The following RNF212B variants were observed in gnomAD, a reference collection of about 807,000 sequenced individuals.
RNF212B encodes the protein E3 ubiquitin-protein ligase RNF212B.
Under a neutral mutation model 55.5 loss-of-function variants are expected in RNF212B, and 52 were observed. That is an observed-to-expected ratio of 0.94 (90% CI 0.75 to 1.18). The LOEUF (loss-of-function observed/expected upper bound fraction) is 1.18, where lower values mean the gene tolerates loss of function less well. RNF212B is among the 50% of genes most tolerant of loss of function. The pLI is 0.00. For synonymous variants in RNF212B, 99 were observed against 121.4 expected, an observed-to-expected ratio of 0.82 and a Z score of 1.21; for missense variants, 289 against 350.4, an observed-to-expected ratio of 0.82 and a Z score of 1.40.
At chr14:23,250,119 T>C (rs1884293614) in intron 4 of RNF212B, among the ~76,000 whole-genome samples, 1 of 152,222 alleles carries the variant, frequency 6.6e-6, no homozygotes, top group Admixed American at 6.5e-5. Context: ...TTCAGTTCTT[T>C]GCAGTTCTTT....
In RNF212B at chr14:23,258,619, A is replaced by C; in HGVS notation, c.299A>C (p.Glu100Ala). The change falls in exon 5 of 15, where the codon GAA (glutamate) becomes GCA (alanine). Residue 100 changes from glutamate (E) to alanine (A), a missense_variant. By Grantham distance (107) the Glu-to-Ala change is moderately radical (BLOSUM62 -1). Coordinates refer to ENST00000430154, the MANE Select transcript of RNF212B (RefSeq NM_001282322.3). ...TATAAGCATAGAATTACAAAGTTAGAAACAGCCATGCAGGAGGCACAGCAA... is the reference window on the plus strand; with the variant it reads ...TATAAGCATAGAATTACAAAGTTAGCAACAGCCATGCAGGAGGCACAGCAA... ...AFYKHRITKLETAMQEAQQAL... is the reference protein window; with the variant it reads ...AFYKHRITKLATAMQEAQQAL... 1 of 1,545,770 alleles carries C rather than the reference A, an allele frequency of 6.5e-7. No homozygotes were observed. Among genetic ancestry groups the C allele is most frequent in the East Asian group, 2.5e-5 (1 of 40,466 alleles).
chr14:23,243,467 G>A (rs558740060), intron 3 of RNF212B, among the ~76,000 whole-genome samples, 159 bp downstream of exon 3: 14 of 151,870 alleles, frequency 9.2e-5, no homozygotes, highest in Admixed American at 3.3e-4. Context: ...AGGTCAAGGC[G>A]GGTGGATCGC....
intron 4 of RNF212B, among the ~76,000 whole-genome samples, chr14:23,248,864 AT>A (rs1884201067): frequency 6.6e-6 from 1 of 152,218 alleles, no homozygotes; most frequent in South Asian, 2.1e-4. Context: ...CAACAAATGA[AT>A]TTTTGTGGGA....
chr14:23,260,674 T>TAA lies in RNF212B; in HGVS notation c.422_423insAA (p.Tyr141Ter), dbSNP rs779109345. 1.9e-6 allele frequency: 3 copies of TAA among 1,550,492 alleles called. No homozygotes were observed. The South Asian group carries it at 3.6e-5, about 18-fold the overall frequency. ...TCACCTATAGGAATCTCCAAGTCGGTACCAAGGAAGCAGGTCAGTTTTATC... is the reference window on the plus strand; with the variant it reads ...TCACCTATAGGAATCTCCAAGTCGGTAAACCAAGGAAGCAGGTCAGTTTTATC... The part of the protein sequence containing the change: ...LAILKESPSR[Y>*]QGSRSITPRP... Residue 141 changes from tyrosine (Y) to a stop codon, truncating the protein, a stop_gained and frameshift_variant, in exon 7 of 15, where the codon TAC (tyrosine) becomes TAAAC (stop). Transcript: ENST00000430154. LOFTEE classifies it high-confidence loss of function.
rs567312356 is a variant in RNF212B, at chr14:23,230,936, G to A, written c.-1-9409G>A. 2.0e-5 allele frequency among the ~76,000 whole-genome samples: 3 copies of A among 152,098 alleles called. No individual in the cohort carries two copies. The South Asian group carries it at 6.2e-4, about 32-fold the overall frequency. Reference sequence around the variant, plus strand: ...AAAATCAACTGACCATAGATGTGAGGGTTTATTTCTGGATTCTCAGTTCTA... The same window carrying A: ...AAAATCAACTGACCATAGATGTGAGAGTTTATTTCTGGATTCTCAGTTCTA... On this transcript the variant is annotated intron_variant, in intron 2 of 15. Transcript: ENST00000399910.
chr14:23,258,570 C>T lies in RNF212B; in HGVS notation c.250C>T (p.Gln84Ter), dbSNP rs762279875. 1 of 1,534,812 alleles carries T rather than the reference C, an allele frequency of 6.5e-7. No homozygotes were observed. The highest frequency in any genetic ancestry group is 8.8e-7 in the Non-Finnish European group (1 of 1,139,356). The change falls in exon 5 of 15, where the codon CAA becomes TAA. Residue 84 changes from glutamine to a stop codon, truncating the protein, a stop_gained. Transcript: ENST00000430154. LOFTEE classifies it high-confidence loss of function. ...GTAGGTGTGGAGTTTCCAGAAGAAA[C>T]AAACAGATCTCCTCATCGCCTTTTA... ...ISQVWSFQKK[Q>*]TDLLIAFYKH... is the part of the protein sequence containing the mutation.
intron 2 of RNF212B, among the ~76,000 whole-genome samples, chr14:23,219,457 CTCTCCTTCT>C (rs1881368736): frequency 6.8e-6 from 1 of 146,080 alleles, no homozygotes; most frequent in African/African-American, 2.6e-5. Flanking sequence ...AAGTGTAGCG[CTCTCCTTCT>C]TCTCCTTCTA....
chr14:23,246,256 G>A (rs1158824777), intron 4 of RNF212B, among the ~76,000 whole-genome samples: 3 of 151,822 alleles, frequency 2.0e-5, no homozygotes, highest in Non-Finnish European at 4.4e-5. Context: ...TGGGGGCAGG[G>A]CAATTTCAAT....
rs551236959 is a variant in RNF212B at position 23,248,970 on chromosome 14, T to C, written c.228+4574T>C. Among the ~76,000 whole-genome samples the C allele has an allele frequency of 3.3e-5, 5 of 152,216 alleles. No individual in the cohort carries two copies. The East Asian group carries it at 9.6e-4, about 29-fold the overall frequency. On this transcript the variant is annotated intron_variant, in intron 4 of 14. Transcript: ENST00000430154. ...GCTACCCAACTCTGCTGTTGTAGCA[T>C]GGAAGCAGCCATAGACAGCATGTAA...
chr14:23,232,909 A>G (rs1882815656), intron 2 of RNF212B, among the ~76,000 whole-genome samples: 1 of 151,708 alleles, frequency 6.6e-6, no homozygotes. Context: ...TGGGAGGTGT[A>G]CCCAACAGCT....
chr14:23,265,142 T>TA (rs1885595791), intron 11 of RNF212B, among the ~76,000 whole-genome samples: 1 of 152,158 alleles, frequency 6.6e-6, no homozygotes, highest in African/African-American at 2.4e-5. Context: ...CAAATAATGA[T>TA]ATTTTTGTCT....
chr14:23,217,433 T>A lies in RNF212B; in HGVS notation c.-1-22912T>A, dbSNP rs948481867. 1.2e-4 allele frequency among the ~76,000 whole-genome samples: 18 copies of A among 152,326 alleles called. 1 individual carries two copies. Among genetic ancestry groups the A allele is most frequent in the Admixed American group, 1.2e-3 (18 of 15,298 alleles). ...CACCTCTGAGTCCTGGGGAACTCGC[T>A]GCCCTGAAGAGAAGGGCCTTGGCCA... On this transcript the variant is annotated intron_variant, in intron 2 of 15. Coordinates refer to the RNF212B transcript ENST00000399910.
intron 2 of RNF212B, among the ~76,000 whole-genome samples, chr14:23,196,838 AC>A (rs1480684373): frequency 6.6e-6 from 1 of 152,140 alleles, no homozygotes; most frequent in Non-Finnish European, 1.5e-5. Context: ...CTGATTTAGC[AC>A]AATTGTTACT....
chr14:23,194,228 T>A (rs943859870), intron 2 of RNF212B, among the ~76,000 whole-genome samples: 1 of 152,154 alleles, frequency 6.6e-6, no homozygotes, highest in Non-Finnish European at 1.5e-5. Context: ...AATGGTATTA[T>A]CAGTCACATT....
chr14:23,185,977 G>A (rs527514246), intron 1 of RNF212B, among the ~76,000 whole-genome samples: 1 of 152,262 alleles, frequency 6.6e-6, no homozygotes, highest in South Asian at 2.1e-4. Flanking sequence ...GCTCACGCCT[G>A]TAATCCCAGC....
intron 10 of RNF212B, 39 bp from the exon 11 acceptor site, chr14:23,264,584 G>C (rs1013382208): frequency 4.7e-6 from 6 of 1,274,660 alleles, no homozygotes; most frequent in Non-Finnish European, 6.1e-6. Flanking sequence ...AGATAACTGA[G>C]ATATATTTAT....
intron 2 of RNF212B, among the ~76,000 whole-genome samples, chr14:23,194,777 A>G (rs979304186): frequency 6.6e-6 from 1 of 150,876 alleles, no homozygotes; most frequent in Non-Finnish European, 1.5e-5. Context: ...TGTATCAAAC[A>G]GGCCAGAAAA....
chr14:23,229,246 A>ATG (rs1297750951), intron 2 of RNF212B, among the ~76,000 whole-genome samples: 7 of 96,292 alleles, frequency 7.3e-5, no homozygotes, highest in Non-Finnish European at 1.7e-4. Flanking sequence ...ATATATATAT[A>ATG]TATATATATA....
Position 23,264,676 on chromosome 14 carries a change from G to A in RNF212B, c.634+5G>A. 7.7e-7 allele frequency: 1 copy of A among 1,294,968 alleles called. No homozygotes were observed. The highest frequency in any genetic ancestry group is 9.9e-7 in the Non-Finnish European group (1 of 1,012,522). 80.2% of individuals were successfully genotyped at this position (1,294,968 alleles called of 1,614,324 possible). On this transcript the variant is annotated splice_donor_5th_base_variant and intron_variant, in intron 11 of 14. Coordinates refer to ENST00000430154, the MANE Select transcript of RNF212B (RefSeq NM_001282322.3). ...CTCCCAGAGACTCTTATAATGGTGA[G>A]GTGGGGGGAAAAGGGTGTCAGAAAT...
Sources: gnomAD v4.1 joint callset for allele counts (sites outside exome capture counted in the v4.1 genomes callset) on GRCh38, gnomAD v4.1.1 for gene constraint, MANE v1.5 for transcripts, NCBI Gene and HGNC (gene_info 2026-07-23, HGNC 2026-07-21) for gene names.